Variants in VPS53 observed in about 807,000 individuals in gnomAD.
VPS53 encodes the protein vacuolar protein sorting-associated protein 53 homolog.
VPS53 carries 70 observed loss-of-function variants against 107.0 expected under a neutral mutation model. That is an observed-to-expected ratio of 0.65 (90% CI 0.54 to 0.80). The LOEUF (loss-of-function observed/expected upper bound fraction) is 0.80. Ranked by LOEUF, VPS53 falls within the 30% of genes least tolerant of loss-of-function variation. The probability of loss-of-function intolerance (pLI) is 0.00; values close to 1 mark genes in which losing one functional copy is unlikely to be tolerated. For missense variants in VPS53, 917 were observed against 1,049.4 expected (o/e 0.87, Z 1.74); for synonymous variants, 409 against 393.3 (o/e 1.04, Z -0.47).
chr17:540,989 T>C (rs1296603712), intron 17 of VPS53, among the ~76,000 whole-genome samples: 1 of 152,204 alleles, frequency 6.6e-6, no homozygotes, highest in Non-Finnish European at 1.5e-5. Context: ...TTTTTTCCTA[T>C]TGCTATAGGA....
chr17:549,019 A>G (rs1261170310), intron 17 of VPS53, among the ~76,000 whole-genome samples: 1 of 152,070 alleles, frequency 6.6e-6, no homozygotes, highest in Non-Finnish European at 1.5e-5. Flanking sequence ...TCTTATATTA[A>G]AGTTACTGGG....
chr17:551,805 A>G, intron 17 of VPS53, 67 bp downstream of exon 17: 2 of 1,374,506 alleles, frequency 1.5e-6, no homozygotes, highest in Admixed American at 2.2e-5. Flanking sequence ...GCTACAGACA[A>G]GGGCCAGTAG....
intron 15 of VPS53, among the ~76,000 whole-genome samples, chr17:556,906 C>A (rs1912449909): frequency 6.7e-6 from 1 of 149,340 alleles, no homozygotes; most frequent in Non-Finnish European, 1.5e-5. Flanking sequence ...AGGAGGGCCT[C>A]TCTGCTGAAG....
intron 17 of VPS53, 40 bp downstream of exon 17, chr17:551,832 C>T (rs1332752034): frequency 2.0e-6 from 3 of 1,529,694 alleles, no homozygotes; most frequent in Admixed American, 3.9e-5. Flanking sequence ...CCTTGGGCTG[C>T]TCTCGTTAGT....
At chr17:637,760 G>C (rs937332875) in intron 7 of VPS53, among the ~76,000 whole-genome samples, 2 of 152,190 alleles carry the variant, frequency 1.3e-5, no homozygotes, top group African/African-American at 4.8e-5. Context: ...GCTCTAGTTT[G>C]ATTGCACTGT....
intron 4 of VPS53, among the ~76,000 whole-genome samples, chr17:676,831 A>G (rs1972181299): frequency 6.6e-6 from 1 of 151,480 alleles, no homozygotes; most frequent in Non-Finnish European, 1.5e-5. Context: ...TAAATAAAAG[A>G]AAAAATCAGG....
At chr17:656,580 G>T (rs146588265) in intron 5 of VPS53, among the ~76,000 whole-genome samples, 1 of 152,280 alleles carries the variant, frequency 6.6e-6, no homozygotes, top group East Asian at 1.9e-4. Context: ...CTCTGGGAAT[G>T]CAAGTATATT....
intron 5 of VPS53, chr17:656,700 ATGTGTGTGTGTGTGTG>A (rs34123743): frequency 1.3e-5 from 7 of 554,550 alleles, no homozygotes; most frequent in South Asian, 4.4e-5. Context: ...TGACTAAGAA[ATGTGTGTGTGTGTGTG>A]TGTGTGTGTG....
chr17:519,818 G>A lies in VPS53; in HGVS notation c.2328+8C>T, dbSNP rs1330403531. ...GAGCAGGTGTGGACCAAATGTCCCG[G>A]CACAAACCTTCATGTCCAGTATCTT... On this transcript the variant is annotated splice_region_variant and intron_variant, in intron 21 of 21. Coordinates refer to ENST00000437048, the MANE Select transcript of VPS53 (RefSeq NM_001128159.3). The surrounding 1 kb of genome is among the most constrained non-coding windows in gnomAD (Gnocchi z 5.0). The A allele has an allele frequency of 6.5e-7, 1 of 1,545,320 alleles. No individual in the cohort carries two copies. Among genetic ancestry groups the A allele is most frequent in the Admixed American group, 2.0e-5 (1 of 50,988 alleles).
chr17:567,281 G>T (rs751954069), intron 13 of VPS53, among the ~76,000 whole-genome samples: 1 of 152,094 alleles, frequency 6.6e-6, no homozygotes, highest in South Asian at 2.1e-4. Flanking sequence ...ATGTCTACTC[G>T]GTTACTTCTG....
rs565457627 is a variant in VPS53 at position 531,563 on chromosome 17, G to A, written c.2085+1279C>T. On this transcript the variant is annotated intron_variant, in intron 19 of 21. Coordinates refer to ENST00000437048, the MANE Select transcript of VPS53 (RefSeq NM_001128159.3). ...TCTGTTGCCCAGGCTTCAGTGCAGC[G>A]GCACGATCATAGCTCACTTCAGCCT... Among the ~76,000 whole-genome samples the A allele has an allele frequency of 3.9e-5, 6 of 151,914 alleles. No individual in the cohort carries two copies. The East Asian group carries it at 5.8e-4, about 15-fold the overall frequency.
rs561471328 is a variant in VPS53 at position 537,245 on chromosome 17, G to C, written c.1867-69C>G. ...ACGGTGTCGCCTGTTACTGGGGAAGGGAGGGGCTGGAGTGGAAGTCAGGTC... is the reference window on the plus strand; with the variant it reads ...ACGGTGTCGCCTGTTACTGGGGAAGCGAGGGGCTGGAGTGGAAGTCAGGTC... On this transcript the variant is annotated intron_variant, in intron 17 of 21. Coordinates refer to ENST00000437048, the MANE Select transcript of VPS53 (RefSeq NM_001128159.3). The C allele has an allele frequency of 3.4e-4, 521 of 1,554,834 alleles. 9 individuals are homozygous for C. The South Asian group carries it at 5.6e-3, about 17-fold the overall frequency.
chr17:521,718 C>T lies in VPS53; in HGVS notation c.2106G>A (p.Ser702=), dbSNP rs371964632. 54 of 1,546,170 alleles carry T rather than the reference C, an allele frequency of 3.5e-5. No homozygotes were observed. In the South Asian group the frequency reaches 3.8e-4, roughly 11 times the overall value. The change falls in exon 20 of 22, where the codon TCG becomes TCA. Residue 702 remains serine (S), a synonymous_variant. Coordinates refer to ENST00000437048, the MANE Select transcript of VPS53 (RefSeq NM_001128159.3). ...GGAGATCGAGCAGGACCATCTTCAG[C>T]GAGTGGGTGTCCAGCAGCAGCTGTG... ...GAEQLLLDTH[S]LKMVLLDLPS... is the part of the protein sequence containing the mutation.
At chr17:656,182 T>A (rs564450917) in intron 5 of VPS53, among the ~76,000 whole-genome samples, 1 of 152,330 alleles carries the variant, frequency 6.6e-6, no homozygotes, top group South Asian at 2.1e-4. Flanking sequence ...GTTGTGAGCA[T>A]GAAATGAACT....
chr17:623,856 T>C (rs999677448), intron 10 of VPS53, among the ~76,000 whole-genome samples, 182 bp from the exon 11 acceptor site: 1 of 152,114 alleles, frequency 6.6e-6, no homozygotes, highest in Non-Finnish European at 1.5e-5. Context: ...TAAACAAGAT[T>C]TTTAAGGTGA....
At chr17:535,624 C>A (rs986183372) in intron 18 of VPS53, among the ~76,000 whole-genome samples, 10 of 152,280 alleles carry the variant, frequency 6.6e-5, no homozygotes, top group African/African-American at 2.4e-4. Flanking sequence ...GATTTTGAGT[C>A]ACAGTAAATT....
At chr17:699,626 T>C (rs1458740625) in intron 2 of VPS53, among the ~76,000 whole-genome samples, 1 of 152,232 alleles carries the variant, frequency 6.6e-6, no homozygotes, top group Admixed American at 6.5e-5. Flanking sequence ...CACTTACATA[T>C]TGCCTGCGGC....
intron 4 of VPS53, chr17:674,625 G>C (rs372346499): frequency 6.6e-6 from 1 of 152,166 alleles, no homozygotes; most frequent in Non-Finnish European, 1.5e-5. Flanking sequence ...CAGTTTCTTC[G>C]TCATACTGAG....
intron 2 of VPS53, among the ~76,000 whole-genome samples, chr17:702,279 G>A (rs1232141509): frequency 6.6e-6 from 1 of 152,180 alleles, no homozygotes; most frequent in Non-Finnish European, 1.5e-5. Context: ...GATTGAGTCT[G>A]TAAATTCCAG....
Sources: allele counts gnomAD v4.1 joint callset (sites outside exome capture counted in the v4.1 genomes callset), GRCh38; gene constraint gnomAD v4.1.1; non-coding constraint Gnocchi (gnomAD v3.1); transcripts MANE v1.5; gene names NCBI Gene and HGNC (gene_info 2026-07-23, HGNC 2026-07-21).